Variants in RBM6 observed in about 807,000 individuals in gnomAD.
The protein encoded by RBM6 is RNA-binding protein 6.
RBM6 carries 23 observed loss-of-function variants against 140.4 expected under a neutral mutation model. The observed-to-expected ratio is 0.16, with a 90% confidence interval of 0.12 to 0.23. RBM6 has a LOEUF of 0.23. Among genes scored for constraint, RBM6 ranks in the 10% least tolerant of loss-of-function variants. The pLI, the probability that RBM6 is intolerant of heterozygous loss-of-function variation, is 1.00. For synonymous variants in RBM6, 439 were observed against 475.6 expected, an observed-to-expected ratio of 0.92 and a Z score of 1.00; for missense variants, 1,139 against 1,386.7, an observed-to-expected ratio of 0.82 and a Z score of 2.84.
intron 6 of RBM6, among the ~76,000 whole-genome samples, chr3:50,034,360 G>A (rs1196894255): frequency 2.0e-5 from 3 of 152,088 alleles, no homozygotes; most frequent in Non-Finnish European, 2.9e-5. Flanking sequence ...TGCTCACGGT[G>A]CACTTTATAT....
Position 49,967,348 on chromosome 3 carries a change from A to C in RBM6, c.45-122A>C. Reference sequence around the variant, plus strand: ...TTTTCTGCAGATCTAGGACCTTGTTACAGAACTCTGCCAAAAAAAAAATGT... The same window carrying C: ...TTTTCTGCAGATCTAGGACCTTGTTCCAGAACTCTGCCAAAAAAAAAATGT... On this transcript the variant is annotated intron_variant, in intron 2 of 20. Coordinates refer to ENST00000266022, the MANE Select transcript of RBM6 (RefSeq NM_005777.3). The surrounding 1 kb of genome is among the most constrained non-coding windows in gnomAD (Gnocchi z 4.0). 1 of 1,488,848 alleles carries C rather than the reference A, an allele frequency of 6.7e-7. No homozygotes were observed. Among genetic ancestry groups the C allele is most frequent in the Non-Finnish European group, 8.9e-7 (1 of 1,122,844 alleles). 92.2% of individuals were successfully genotyped at this position (1,488,848 alleles called of 1,614,324 possible).
At chr3:49,948,726 A>G (rs1243989787) in intron 1 of RBM6, among the ~76,000 whole-genome samples, 1 of 150,754 alleles carries the variant, frequency 6.6e-6, no homozygotes, top group South Asian at 2.1e-4. Flanking sequence ...AGAAAAAAAA[A>G]AAAAAGAATT....
intron 5 of RBM6, among the ~76,000 whole-genome samples, chr3:49,979,369 T>C (rs1251476312): frequency 6.6e-6 from 1 of 152,106 alleles, no homozygotes; most frequent in East Asian, 1.9e-4. Flanking sequence ...ACATTGTGAA[T>C]GTACTTAATG....
intron 7 of RBM6, among the ~76,000 whole-genome samples, chr3:50,052,837 C>T (rs73832794): frequency 0.033 from 4,991 of 152,192 alleles, 306 homozygotes; most frequent in African/African-American, 0.12. Flanking sequence ...AGCAGTGGCT[C>T]CTAAGGCTTC....
intron 5 of RBM6, among the ~76,000 whole-genome samples, chr3:49,993,632 ACT>A (rs2085931130): frequency 1.3e-5 from 2 of 151,796 alleles, no homozygotes; most frequent in African/African-American, 4.8e-5. Context: ...ACAGAGTGAG[ACT>A]CTGTCTCAAA....
At chr3:50,042,111 A>G (rs1011568872) in intron 6 of RBM6, among the ~76,000 whole-genome samples, 1 of 152,200 alleles carries the variant, frequency 6.6e-6, no homozygotes, top group African/African-American at 2.4e-5. Context: ...TGCTTTGTGA[A>G]TAAAGATACT....
At chr3:50,008,259 C>T (rs1437302347) in intron 6 of RBM6, among the ~76,000 whole-genome samples, 1 of 152,134 alleles carries the variant, frequency 6.6e-6, no homozygotes, top group Non-Finnish European at 1.5e-5. Context: ...GATATGTGTC[C>T]TACAATGGGT....
chr3:50,003,099 A>G (rs2086416077), intron 6 of RBM6, among the ~76,000 whole-genome samples: 1 of 152,202 alleles, frequency 6.6e-6, no homozygotes, highest in East Asian at 1.9e-4. Flanking sequence ...CTGCTGACAG[A>G]GCAAGACTCT....
intron 7 of RBM6, 61 bp downstream of exon 7, chr3:50,048,380 C>G: frequency 6.4e-7 from 1 of 1,574,160 alleles, no homozygotes; most frequent in Non-Finnish European, 8.6e-7. Context: ...TCCTCCATAT[C>G]TCTAGGAAGG....
intron 20 of RBM6, among the ~76,000 whole-genome samples, chr3:50,075,766 G>C (rs2090440814): frequency 1.3e-5 from 2 of 152,038 alleles, no homozygotes; most frequent in African/African-American, 4.8e-5. Context: ...TATTTCAAGA[G>C]CCTCTAGAAA....
At chr3:49,981,138 G>C (rs2085290266) in intron 5 of RBM6, among the ~76,000 whole-genome samples, 1 of 152,030 alleles carries the variant, frequency 6.6e-6, no homozygotes, top group African/African-American at 2.4e-5. Flanking sequence ...CTGACCTCAT[G>C]ATTCGTCCAC....
At chr3:50,043,866 G>A (rs1203988410) in intron 6 of RBM6, among the ~76,000 whole-genome samples, 2 of 149,034 alleles carry the variant, frequency 1.3e-5, no homozygotes, top group Non-Finnish European at 3.0e-5. Flanking sequence ...ACAGGCATGG[G>A]CCACCGTGCC....
chr3:49,949,755 C>T (rs184401471), intron 1 of RBM6, among the ~76,000 whole-genome samples: 101 of 152,178 alleles, frequency 6.6e-4, no homozygotes, highest in African/African-American at 2.2e-3. Flanking sequence ...CCTCGTGATC[C>T]GCCCGCCTCC....
chr3:50,076,047 C>T (rs1022025333), intron 20 of RBM6, among the ~76,000 whole-genome samples: 2 of 151,698 alleles, frequency 1.3e-5, no homozygotes, highest in African/African-American at 4.8e-5. Flanking sequence ...CAGCTCACTG[C>T]AACCTCCTCC....
intron 6 of RBM6, among the ~76,000 whole-genome samples, chr3:50,041,081 C>T (rs530629335): frequency 2.6e-5 from 4 of 152,112 alleles, no homozygotes; most frequent in Non-Finnish European, 5.9e-5. Context: ...TTGTTGCTGG[C>T]GTCATATAGT....
intron 1 of RBM6, among the ~76,000 whole-genome samples, chr3:49,944,900 G>A (rs1235594125): frequency 2.1e-5 from 3 of 145,948 alleles, no homozygotes; most frequent in East Asian, 2.1e-4. Flanking sequence ...TTTTTGAGAC[G>A]GATTCTTGCT....
chr3:50,075,863 C>T (rs1419957870), intron 20 of RBM6, among the ~76,000 whole-genome samples: 4 of 152,160 alleles, frequency 2.6e-5, no homozygotes, highest in Non-Finnish European at 4.4e-5. Flanking sequence ...TTATTTCTCT[C>T]CTACCGAGTT....
At chr3:50,021,843 C>T (rs895469630) in intron 6 of RBM6, among the ~76,000 whole-genome samples, 17 of 134,434 alleles carry the variant, frequency 1.3e-4, no homozygotes, top group African/African-American at 4.6e-4. Flanking sequence ...ACCTCTCTAC[C>T]TCCTGGGTTC....
Position 49,978,655 on chromosome 3 carries a change from C to T in RBM6, c.1483+3263C>T, listed in dbSNP as rs114105522. On this transcript the variant is annotated intron_variant, in intron 5 of 20. Coordinates refer to ENST00000266022, the MANE Select transcript of RBM6 (RefSeq NM_005777.3). ...ATTATATCTCCCAGGGGAATGTGTA[C>T]TCAGACATAATACTTACGCTGCAAA... 7.0e-3 allele frequency among the ~76,000 whole-genome samples: 1,065 copies of T among 152,236 alleles called. 15 individuals are homozygous for T. The highest frequency in any genetic ancestry group is 0.024 in the African/African-American group (1,014 of 41,526).
Sources: gnomAD v4.1 joint callset for allele counts (sites outside exome capture counted in the v4.1 genomes callset) on GRCh38, gnomAD v4.1.1 for gene constraint, Gnocchi (gnomAD v3.1) non-coding constraint, MANE v1.5 for transcripts, NCBI Gene and HGNC (gene_info 2026-07-23, HGNC 2026-07-21) for gene names.